PPME1: variants seen among roughly 807,000 people sequenced by gnomAD.
The protein encoded by PPME1 is protein phosphatase methylesterase 1, also known as testicular secretory protein Li 39.
Under a neutral mutation model 56.9 loss-of-function variants are expected in PPME1, and 17 were observed. That is an observed-to-expected ratio of 0.30 (90% CI 0.20 to 0.45). The LOEUF is 0.45. Among genes scored for constraint, PPME1 ranks in the 20% least tolerant of loss-of-function variants. PPME1 has a pLI of 1.00. For missense variants in PPME1, 357 were observed against 483.2 expected (o/e 0.74, Z 2.45); for synonymous variants, 122 against 156.2 (o/e 0.78, Z 1.63).
At chr11:74,196,765 C>A (rs1054307991) in intron 1 of PPME1, among the ~76,000 whole-genome samples, 1 of 152,152 alleles carries the variant, frequency 6.6e-6, no homozygotes. Flanking sequence ...TGTTCTGCTA[C>A]AAGGGTTTGT....
chr11:74,237,980 A>C (rs1244525210), intron 8 of PPME1: 1 of 152,200 alleles, frequency 6.6e-6, no homozygotes, highest in East Asian at 1.9e-4. Flanking sequence ...AGTGATTTTA[A>C]AATTTTATTT....
intron 11 of PPME1, chr11:74,249,417 A>G (rs1467833282): frequency 6.6e-6 from 1 of 152,238 alleles, no homozygotes; most frequent in African/African-American, 2.4e-5. Flanking sequence ...TAGAATAATC[A>G]TGAGGATTAC....
At chr11:74,212,545 C>T (rs1858507358) in intron 3 of PPME1, among the ~76,000 whole-genome samples, 1 of 152,160 alleles carries the variant, frequency 6.6e-6, no homozygotes, top group African/African-American at 2.4e-5. Context: ...CTTACGCCAC[C>T]TCTCCCCCAA....
Position 74,251,947 on chromosome 11 carries a change from C to G in PPME1, c.1142+232C>G, listed in dbSNP as rs545339413. 4.2e-5 allele frequency: 30 copies of G among 712,590 alleles called. No individual in the cohort carries two copies. The African/African-American group carries it at 4.5e-4, about 11-fold the overall frequency. 44.1% of individuals were successfully genotyped at this position (712,590 alleles called of 1,614,324 possible). On this transcript the variant is annotated intron_variant, in intron 13 of 13. Coordinates refer to ENST00000328257, the MANE Select transcript of PPME1 (RefSeq NM_016147.3). ...TGCTGAGGCTGTGATTAAATTGTGCCTAGTCTCACTCCCCACTGTGATGTG... is the reference window on the plus strand; with the variant it reads ...TGCTGAGGCTGTGATTAAATTGTGCGTAGTCTCACTCCCCACTGTGATGTG...
intron 1 of PPME1, among the ~76,000 whole-genome samples, chr11:74,182,133 A>G (rs1391916923): frequency 6.6e-6 from 1 of 152,158 alleles, no homozygotes; most frequent in African/African-American, 2.4e-5. Context: ...TTTAAAATCA[A>G]CAAACTAGGA....
chr11:74,174,179 C>T (rs1202532626), intron 1 of PPME1, among the ~76,000 whole-genome samples: 1 of 152,090 alleles, frequency 6.6e-6, no homozygotes, highest in Non-Finnish European at 1.5e-5. Context: ...GTTCTGTATT[C>T]TATAAGGGAA....
chr11:74,215,843 T>A (rs567416142), intron 3 of PPME1, among the ~76,000 whole-genome samples: 1 of 152,096 alleles, frequency 6.6e-6, no homozygotes, highest in East Asian at 1.9e-4. Flanking sequence ...AACTAAAAAG[T>A]GGGAGTAGCT....
chr11:74,230,217 C>T lies in PPME1; in HGVS notation c.399-28C>T, dbSNP rs1859031475. ...TTTTACAGTGTTGTCAGAAAGCATT[C>T]TTAGATCTTTTTCTCTTCTCTTTGC... is the stretch of plus-strand genomic sequence containing the variant. On this transcript the variant is annotated intron_variant, in intron 5 of 13. Transcript: ENST00000328257. This position sits in a 1 kb window ranked among gnomAD's most constrained non-coding sequence, Gnocchi z 4.9. 1 of 1,584,624 alleles carries T rather than the reference C, an allele frequency of 6.3e-7. No homozygotes were observed. The highest frequency in any genetic ancestry group is 8.6e-7 in the Non-Finnish European group (1 of 1,167,762).
intron 11 of PPME1, chr11:74,247,494 T>G (rs1458533936): frequency 3.3e-5 from 4 of 121,234 alleles, no homozygotes; most frequent in African/African-American, 7.9e-5. Flanking sequence ...TTTTTTTTTT[T>G]TTTTTTTTTT....
At chr11:74,214,668 CAT>C (rs1858577493) in intron 3 of PPME1, among the ~76,000 whole-genome samples, 1 of 147,588 alleles carries the variant, frequency 6.8e-6, no homozygotes, top group Non-Finnish European at 1.5e-5. Flanking sequence ...AGTGGCATAA[CAT>C]ATTTAAAATG....
rs540564664 is a variant in PPME1, at chr11:74,214,124, A to G, written c.289-8188A>G. ...AGGAATTCAGAAAATTTATCTATAG[A>G]TAAATTTAACAAAGCAATTGAAATA... On this transcript the variant is annotated intron_variant, in intron 3 of 13. Transcript: ENST00000328257. Among the ~76,000 whole-genome samples, 53 of 152,354 alleles carry G rather than the reference A, an allele frequency of 3.5e-4. No homozygotes were observed. The South Asian group carries it at 9.9e-3, about 29-fold the overall frequency.
intron 3 of PPME1, among the ~76,000 whole-genome samples, chr11:74,215,950 A>G (rs1858628720): frequency 6.6e-6 from 1 of 152,214 alleles, no homozygotes; most frequent in African/African-American, 2.4e-5. Flanking sequence ...GCAAGAGGAT[A>G]TAACAGTTAT....
chr11:74,238,094 A>G (rs1251662608), intron 8 of PPME1: 2 of 152,124 alleles, frequency 1.3e-5, no homozygotes, highest in Non-Finnish European at 2.9e-5. Context: ...TGCCCCTTAT[A>G]ATCCAGGTGA....
rs538662952 is a variant in PPME1, at chr11:74,187,732, A to T, written c.102-15996A>T. ...GCTGTTCTTCTGAAATAATACAATG[A>T]CTTTAGCAACCTGTGGCAGGTGGAA... On this transcript the variant is annotated intron_variant, in intron 1 of 13. Coordinates refer to ENST00000328257, the MANE Select transcript of PPME1 (RefSeq NM_016147.3). 4.6e-5 allele frequency among the ~76,000 whole-genome samples: 7 copies of T among 152,278 alleles called. No homozygotes were observed. In the East Asian group the frequency reaches 1.2e-3, roughly 25 times the overall value.
At chr11:74,187,523 A>G (rs542603486) in intron 1 of PPME1, among the ~76,000 whole-genome samples, 175 of 151,970 alleles carry the variant, frequency 1.2e-3, no homozygotes, top group African/African-American at 4.2e-3. Flanking sequence ...TGTCCTCTTG[A>G]TTTTATTTTT....
At chr11:74,236,784 A>G (rs575321598) in intron 8 of PPME1, among the ~76,000 whole-genome samples, 1 of 152,358 alleles carries the variant, frequency 6.6e-6, no homozygotes, top group Admixed American at 6.5e-5. Context: ...CCAAACAAAT[A>G]TAATTTCCTC....
At chr11:74,173,686 C>T (rs897397391) in intron 1 of PPME1, among the ~76,000 whole-genome samples, 1 of 152,134 alleles carries the variant, frequency 6.6e-6, no homozygotes. Flanking sequence ...GGATTACAGG[C>T]ATGCACCACC....
At position 74,239,227 on chromosome 11, in the gene PPME1, A is replaced by T; in HGVS notation, c.805A>T (p.Ser269Cys). The T allele has an allele frequency of 6.2e-7, 1 of 1,613,452 alleles. No individual in the cohort carries two copies. The highest frequency in any genetic ancestry group is 8.5e-7 in the Non-Finnish European group (1 of 1,179,662). The change falls in exon 9 of 14, where the codon AGC (serine) becomes TGC (cysteine). Residue 269 changes from serine (S) to cysteine (C), a missense_variant. Ser to Cys is a moderately radical substitution (Grantham distance 112, BLOSUM62 -1). This residue lies in a region of PPME1 where 182 missense variants were observed against 293.8 expected (regional missense o/e 0.62). Transcript: ENST00000328257. ...EEDEEGSESI[S>C]KRKKEDDMET... ...AGATGAGGAAGGAAGTGAGTCTATA[A>T]GCAAGAGGAAAAAGGAAGATGACAT...
At chr11:74,238,422 A>G (rs966945669) in intron 8 of PPME1, 1 of 152,068 alleles carries the variant, frequency 6.6e-6, no homozygotes, top group African/African-American at 2.4e-5. Flanking sequence ...AAAATAACAG[A>G]TTGTTCTCTA....
Sources: gnomAD v4.1 joint callset for allele counts (sites outside exome capture counted in the v4.1 genomes callset) on GRCh38, gnomAD v4.1.1 for gene constraint, gnomAD v4.1.1 regional missense constraint, Gnocchi (gnomAD v3.1) non-coding constraint, MANE v1.5 for transcripts, NCBI Gene and HGNC (gene_info 2026-07-23, HGNC 2026-07-21) for gene names.